Variants in SV2B observed in about 807,000 individuals in gnomAD.
The protein encoded by SV2B is solute carrier family 22 member B2.
In SV2B, 41 loss-of-function variants were observed where a neutral mutation model predicts 73.9. The observed-to-expected ratio is 0.56, with a 90% CI of 0.43 to 0.72. The LOEUF is 0.72. Among genes scored for constraint, SV2B ranks in the 30% least tolerant of loss-of-function variants. The pLI, the probability that SV2B is intolerant of heterozygous loss-of-function variation, is 0.00. For synonymous variants in SV2B, 314 were observed against 314.2 expected (o/e 1.00, Z 0.01); for missense variants, 764 against 857.8 (o/e 0.89, Z 1.37).
At chr15:91,125,465 G>A (rs2042450034) in intron 1 of SV2B, among the ~76,000 whole-genome samples, 1 of 152,050 alleles carries the variant, frequency 6.6e-6, no homozygotes, top group Non-Finnish European at 1.5e-5. Context: ...AAGGAGTGAG[G>A]CTTCCCTTAA....
intron 1 of SV2B, among the ~76,000 whole-genome samples, chr15:91,176,911 C>T (rs28877973): frequency 0.38 from 57,173 of 151,868 alleles, 12,270 homozygotes; most frequent in African/African-American, 0.56. Flanking sequence ...TCCCATTTGT[C>T]GATTTTGGCT....
rs59552488 is a variant in SV2B at position 91,249,068 on chromosome 15, TCACACACACACACACA to T, written c.452-2726_452-2711del. Among the ~76,000 whole-genome samples the T allele has an allele frequency of 1.1e-3, 158 of 142,118 alleles. No homozygotes were observed. The Middle Eastern group carries it at 0.011, about 10-fold the overall frequency. The allele number at this position is 142,118 out of a possible 152,430, so 93.2% of individuals were successfully genotyped here. Reference sequence around the variant, plus strand: ...TGCATGCATCCATACATCTACGTTTTCACACACACACACACACACACACACACACACACACACACAT... The same window carrying T: ...TGCATGCATCCATACATCTACGTTTTCACACACACACACACACACACACAT... On this transcript the variant is annotated intron_variant, in intron 2 of 12. Coordinates refer to ENST00000394232, the MANE Select transcript of SV2B (RefSeq NM_001323032.3).
rs185138834 is a variant in SV2B, at chr15:91,133,648, C to T, written c.-392+33285C>T. Among the ~76,000 whole-genome samples, 650 of 152,240 alleles carry T rather than the reference C, an allele frequency of 4.3e-3. 4 individuals carry two copies. Among genetic ancestry groups the T allele is most frequent in the South Asian group, 0.01 (49 of 4,828 alleles). ...ATCCACTGCCCAGGAGGCAGGTGCT[C>T]GCTGGCTGCTGTCTGGAGTCTGCAA... On this transcript the variant is annotated intron_variant, in intron 1 of 12. Coordinates refer to ENST00000394232, the MANE Select transcript of SV2B (RefSeq NM_001323032.3).
rs1398665275 is a variant in SV2B at position 91,299,336 on chromosome 15, C to T, written c.*6784C>T. On this transcript the variant is annotated 3_prime_UTR_variant, in exon 13 of 13. Coordinates refer to ENST00000394232, the MANE Select transcript of SV2B (RefSeq NM_001323032.3). Reference sequence around the variant, plus strand: ...AGAACGGCAAAGCAAATCCCATAGACACCCAAAATACTAAAAGTGACAAAA... The same window carrying T: ...AGAACGGCAAAGCAAATCCCATAGATACCCAAAATACTAAAAGTGACAAAA... The T allele has an allele frequency of 6.6e-6, 1 of 152,148 alleles. No homozygotes were observed. Among genetic ancestry groups the T allele is most frequent in the Admixed American group, 6.5e-5 (1 of 15,274 alleles). The allele number at this position is 152,148 out of a possible 1,614,324, so 9.4% of individuals were successfully genotyped here.
At chr15:91,113,454 A>G (rs907778628) in intron 1 of SV2B, among the ~76,000 whole-genome samples, 4 of 152,194 alleles carry the variant, frequency 2.6e-5, no homozygotes, top group Non-Finnish European at 5.9e-5. Context: ...TCAATGAGCT[A>G]TTTCTCATAA....
intron 1 of SV2B, among the ~76,000 whole-genome samples, chr15:91,207,935 CAGAGAGTG>C (rs2045704456): frequency 6.6e-6 from 1 of 152,136 alleles, no homozygotes; most frequent in African/African-American, 2.4e-5. Flanking sequence ...GGAAGAAGGT[CAGAGAGTG>C]ACTTTCCCAG....
chr15:91,264,609 C>T (rs1392797976), intron 6 of SV2B, among the ~76,000 whole-genome samples: 1 of 152,096 alleles, frequency 6.6e-6, no homozygotes, highest in African/African-American at 2.4e-5. Flanking sequence ...ATGTGGGAAC[C>T]CAGGGCATTA....
chr15:91,108,267 T>C (rs779308076), intron 1 of SV2B, among the ~76,000 whole-genome samples: 6 of 152,232 alleles, frequency 3.9e-5, no homozygotes, highest in Admixed American at 1.3e-4. Flanking sequence ...CCTTATGGGC[T>C]AGACATTTCA....
intron 9 of SV2B, among the ~76,000 whole-genome samples, chr15:91,279,907 T>C (rs1302654866): frequency 6.6e-6 from 1 of 152,244 alleles, no homozygotes; most frequent in Non-Finnish European, 1.5e-5. Flanking sequence ...AATTTAGTGA[T>C]AGCTTTTGGA....
chr15:91,122,949 C>G lies in SV2B; in HGVS notation c.-392+22586C>G, dbSNP rs373810082. Among the ~76,000 whole-genome samples the G allele has an allele frequency of 6.6e-6, 1 of 152,168 alleles. No individual in the cohort carries two copies. Among genetic ancestry groups the G allele is most frequent in the Non-Finnish European group, 1.5e-5 (1 of 68,030 alleles). On this transcript the variant is annotated intron_variant, in intron 1 of 12. Coordinates refer to ENST00000394232, the MANE Select transcript of SV2B (RefSeq NM_001323032.3). This position sits in a 1 kb window ranked among gnomAD's most constrained non-coding sequence, Gnocchi z 4.3. The stretch of plus-strand genomic sequence containing the variant: ...AGAGGTCTATTCTACAACCTGGTAG[C>G]TATAGTTAATAACAATGTATTGTAT...
rs1027963188 is a variant in SV2B at position 91,258,557 on chromosome 15, G to A, written c.918+3G>A. 2 of 1,613,490 alleles carry A rather than the reference G, an allele frequency of 1.2e-6. No individual in the cohort carries two copies. The highest frequency in any genetic ancestry group is 1.7e-6 in the Non-Finnish European group (2 of 1,179,766). The stretch of plus-strand genomic sequence containing the variant: ...AGAGCCCAAGGTTTCTGCTAGAGGT[G>A]AGTCAGTGCTTTTCCACCAGGGGGA... On this transcript the variant is annotated splice_donor_region_variant and intron_variant, in intron 5 of 12. Transcript: ENST00000394232. This position sits in a 1 kb window ranked among gnomAD's most constrained non-coding sequence, Gnocchi z 4.7.
intron 4 of SV2B, among the ~76,000 whole-genome samples, chr15:91,256,983 A>G (rs908782019): frequency 1.3e-5 from 2 of 152,218 alleles, no homozygotes; most frequent in African/African-American, 2.4e-5. Context: ...TTATATCCAA[A>G]TAACTATTGC....
chr15:91,193,075 G>T (rs2045103733), intron 1 of SV2B, among the ~76,000 whole-genome samples: 1 of 152,188 alleles, frequency 6.6e-6, no homozygotes, highest in Non-Finnish European at 1.5e-5. Context: ...CTTCGACTCA[G>T]TTCAGCATTT....
chr15:91,119,635 C>G (rs905939819), intron 1 of SV2B, among the ~76,000 whole-genome samples: 3 of 152,300 alleles, frequency 2.0e-5, no homozygotes, highest in Admixed American at 1.3e-4. Context: ...AATAGGAAAA[C>G]TTATAAATGA....
At chr15:91,187,306 C>T (rs1170503214) in intron 1 of SV2B, among the ~76,000 whole-genome samples, 3 of 152,172 alleles carry the variant, frequency 2.0e-5, no homozygotes, top group Non-Finnish European at 4.4e-5. Context: ...AAAATGAATT[C>T]TATAATGCTC....
At position 91,122,681 on chromosome 15, in the gene SV2B, G is replaced by T. The variant is rs2042372153; in HGVS notation, c.-392+22318G>T. 6.6e-6 allele frequency among the ~76,000 whole-genome samples: 1 copy of T among 152,178 alleles called. No individual in the cohort carries two copies. The highest frequency in any genetic ancestry group is 1.5e-5 in the Non-Finnish European group (1 of 68,036). On this transcript the variant is annotated intron_variant, in intron 1 of 12. Coordinates refer to ENST00000394232, the MANE Select transcript of SV2B (RefSeq NM_001323032.3). This position sits in a 1 kb window ranked among gnomAD's most constrained non-coding sequence, Gnocchi z 4.3. ...CAATCATTTGTCTGTTCTTAGTCCT[G>T]TACTTTCCAAGACATCTATTGAAAT...
At chr15:91,286,968 G>T (rs143870743) in intron 11 of SV2B, among the ~76,000 whole-genome samples, 1 of 152,294 alleles carries the variant, frequency 6.6e-6, no homozygotes, top group Non-Finnish European at 1.5e-5. Flanking sequence ...TTGTGGTTAT[G>T]AAGTGTTTGC....
In SV2B at chr15:91,220,491, T is replaced by G. The variant is rs1201510604; in HGVS notation, c.-391-5382T>G. Among the ~76,000 whole-genome samples, 1 of 152,264 alleles carries G rather than the reference T, an allele frequency of 6.6e-6. No individual in the cohort carries two copies. Among genetic ancestry groups the G allele is most frequent in the South Asian group, 2.1e-4 (1 of 4,836 alleles). ...AAGGAGAATATTAAAAGCCTAATGC[T>G]CTACAGAACAGATTTTGGGAAGCAT... On this transcript the variant is annotated intron_variant, in intron 1 of 12. Transcript: ENST00000394232. This position sits in a 1 kb window ranked among gnomAD's most constrained non-coding sequence, Gnocchi z 4.1.
At position 91,132,818 on chromosome 15, in the gene SV2B, C is replaced by A. The variant is rs1214923638; in HGVS notation, c.-392+32455C>A. 1.3e-5 allele frequency among the ~76,000 whole-genome samples: 2 copies of A among 151,590 alleles called. No individual in the cohort carries two copies. The highest frequency in any genetic ancestry group is 2.9e-5 in the Non-Finnish European group (2 of 67,922). ...TCGCACCACTGCACTCCAGCCTGGG[C>A]AACAGAGTGAGATCCTGTCTCTCAA... On this transcript the variant is annotated intron_variant, in intron 1 of 12. Transcript: ENST00000394232. The surrounding 1 kb of genome is among the most constrained non-coding windows in gnomAD (Gnocchi z 4.6).
Sources: gnomAD v4.1 joint callset for allele counts (sites outside exome capture counted in the v4.1 genomes callset) on GRCh38, gnomAD v4.1.1 for gene constraint, Gnocchi (gnomAD v3.1) non-coding constraint, MANE v1.5 for transcripts, NCBI Gene and HGNC (gene_info 2026-07-23, HGNC 2026-07-21) for gene names.